Variants in RP1 observed in about 807,000 individuals in gnomAD.
The protein encoded by RP1 is oxygen-regulated protein 1.
In RP1, 16 loss-of-function variants were observed where a neutral mutation model predicts 14.8. That is an observed-to-expected ratio of 1.08 (90% confidence interval 0.73 to 1.65). The LOEUF (loss-of-function observed/expected upper bound fraction) is 1.65. Ranked by LOEUF, RP1 falls within the 40% of genes most tolerant of loss-of-function variation. The pLI is 0.00. For missense variants in RP1, 2,631 were observed against 2,535.0 expected, an observed-to-expected ratio of 1.04 and a Z score of -0.81; for synonymous variants, 876 against 883.6, an observed-to-expected ratio of 0.99 and a Z score of 0.15.
At chr8:54,799,968 C>T (rs759100305) in intron 24 of RP1, among the ~76,000 whole-genome samples, 1 of 151,954 alleles carries the variant, frequency 6.6e-6, no homozygotes, top group Non-Finnish European at 1.5e-5. Context: ...AGGTTTCTGG[C>T]CTATACCACA....
chr8:54,674,185 G>A (rs1807243120), intron 8 of RP1, among the ~76,000 whole-genome samples: 1 of 152,114 alleles, frequency 6.6e-6, no homozygotes, highest in African/African-American at 2.4e-5. Flanking sequence ...TTAAAAAATA[G>A]AAGAGATTGG....
intron 27 of RP1, among the ~76,000 whole-genome samples, chr8:54,861,136 C>T (rs1181831294): frequency 3.3e-5 from 5 of 152,228 alleles, no homozygotes; most frequent in East Asian, 3.9e-4. Flanking sequence ...ATCCAGGTTA[C>T]GTTCTTTTCC....
chr8:54,606,179 A>C (rs543239321), intron 1 of RP1, among the ~76,000 whole-genome samples: 4 of 152,140 alleles, frequency 2.6e-5, no homozygotes, highest in African/African-American at 9.7e-5. Flanking sequence ...AGTGGCTGGT[A>C]CCGGTTGTTC....
chr8:54,655,185 A>G (rs1806730293), intron 5 of RP1, among the ~76,000 whole-genome samples: 1 of 152,188 alleles, frequency 6.6e-6, no homozygotes, highest in African/African-American at 2.4e-5. Flanking sequence ...CAGAAAACAT[A>G]CTGAAGTTTT....
intron 19 of RP1, among the ~76,000 whole-genome samples, chr8:54,747,695 G>T (rs1809261728): frequency 6.6e-6 from 1 of 152,248 alleles, no homozygotes; most frequent in South Asian, 2.1e-4. Context: ...GAGCCCAGGA[G>T]TTCAACACCA....
intron 1 of RP1, among the ~76,000 whole-genome samples, chr8:54,567,253 A>G (rs186312820): frequency 1.2e-3 from 188 of 152,324 alleles, no homozygotes; most frequent in Admixed American, 2.0e-3. Context: ...CAGTCGCGGA[A>G]TGTGCACTGT....
intron 1 of RP1, among the ~76,000 whole-genome samples, chr8:54,587,390 CACTCCAGCCTAGCTGACAGAGTG>C (rs1398632467): frequency 6.7e-6 from 1 of 148,836 alleles, no homozygotes; most frequent in East Asian, 2.0e-4. Context: ...TGTGTCACTG[CACTCCAGCCTAGCTGACAGAGTG>C]AGACCCTGTC....
chr8:54,812,806 T>TATCTATCTATCTATCTATC (rs774921416), intron 24 of RP1, among the ~76,000 whole-genome samples: 56 of 134,674 alleles, frequency 4.2e-4, no homozygotes, highest in African/African-American at 9.0e-4. Flanking sequence ...TCTATCTATC[T>TATCTATCTATCTATCTATC]ATCTCTCCGT....
intron 19 of RP1, chr8:54,739,132 C>G: frequency 1.5e-6 from 1 of 684,418 alleles, no homozygotes; most frequent in Non-Finnish European, 2.3e-6. Flanking sequence ...ATTACAGATG[C>G]TCCTTGACTT....
chr8:54,596,470 C>G (rs1437586574), intron 1 of RP1, among the ~76,000 whole-genome samples: 1 of 152,166 alleles, frequency 6.6e-6, no homozygotes, highest in Non-Finnish European at 1.5e-5. Flanking sequence ...TTCTCTTATT[C>G]TGATCCCTCT....
At chr8:54,758,831 G>A in intron 21 of RP1, 1 of 1,311,312 alleles carries the variant, frequency 7.6e-7, no homozygotes, top group Non-Finnish European at 1.0e-6. Context: ...TGCTGCTTCT[G>A]GCAGTCGTTT....
chr8:54,724,082 T>C (rs1177297309), intron 16 of RP1, among the ~76,000 whole-genome samples: 1 of 152,202 alleles, frequency 6.6e-6, no homozygotes, highest in Non-Finnish European at 1.5e-5. Flanking sequence ...TTAAAATATG[T>C]TTGGACATTT....
intron 12 of RP1, among the ~76,000 whole-genome samples, chr8:54,682,031 T>C (rs1807446233): frequency 1.3e-5 from 2 of 152,096 alleles, no homozygotes; most frequent in South Asian, 4.1e-4. Flanking sequence ...CATAATAGTA[T>C]GATTTATATT....
chr8:54,801,670 G>C (rs1357749750), intron 24 of RP1, among the ~76,000 whole-genome samples: 2 of 152,090 alleles, frequency 1.3e-5, no homozygotes, highest in Non-Finnish European at 2.9e-5. Context: ...GGGGTTCTTG[G>C]AGGAAAAGTC....
intron 1 of RP1, among the ~76,000 whole-genome samples, chr8:54,564,432 A>G (rs978174355): frequency 2.6e-5 from 4 of 152,124 alleles, no homozygotes; most frequent in African/African-American, 9.7e-5. Flanking sequence ...TCTGGATAAA[A>G]CACAGAATGG....
chr8:54,787,084 T>G (rs1810337230), intron 24 of RP1, among the ~76,000 whole-genome samples: 1 of 152,152 alleles, frequency 6.6e-6, no homozygotes, highest in Non-Finnish European at 1.5e-5. Flanking sequence ...GGATTCTAGT[T>G]TTAAAAAGGG....
rs377463031 is a variant in RP1 at position 54,625,065 on chromosome 8, G to A, written c.1183G>A (p.Glu395Lys). ...CSFSADVSPM[E>K]RSSNQEGSLA... The stretch of plus-strand genomic sequence containing the variant: ...ATTCTCTGCAGATGTGTCACCTATG[G>A]AGCGAAGCAGTAATCAAGAGGGCAG... The change falls in exon 4 of 4, where the codon GAG becomes AAG. Residue 395 changes from glutamate (E) to lysine (K), a missense_variant. Physicochemically the swap from Glu to Lys is moderately conservative, Grantham distance 56. Coordinates refer to ENST00000220676, the MANE Select transcript of RP1 (RefSeq NM_006269.2). The A allele has an allele frequency of 3.3e-5, 54 of 1,614,172 alleles. No homozygotes were observed. The African/African-American group carries it at 6.5e-4, about 20-fold the overall frequency.
intron 18 of RP1, among the ~76,000 whole-genome samples, chr8:54,736,034 C>A (rs968042939): frequency 6.6e-6 from 1 of 152,100 alleles, no homozygotes; most frequent in Non-Finnish European, 1.5e-5. Context: ...GCCTGAGGTA[C>A]AGTCTGGGTA....
At chr8:54,745,604 G>T (rs1270038750) in intron 19 of RP1, among the ~76,000 whole-genome samples, 1 of 151,376 alleles carries the variant, frequency 6.6e-6, no homozygotes, top group African/African-American at 2.4e-5. Context: ...TCCTAAAATT[G>T]TTCCTATTCA....
Sources: gnomAD v4.1 joint callset for allele counts (sites outside exome capture counted in the v4.1 genomes callset) on GRCh38, gnomAD v4.1.1 for gene constraint, MANE v1.5 for transcripts, NCBI Gene and HGNC (gene_info 2026-07-23, HGNC 2026-07-21) for gene names.